SLC35F1: variants seen among roughly 807,000 people sequenced by gnomAD.
The protein encoded by SLC35F1 is solute carrier family 35 member F1, also known as chromosome 6 open reading frame 169.
Under a neutral mutation model 48.7 loss-of-function variants are expected in SLC35F1, and 14 were observed. That is an observed-to-expected ratio of 0.29 (90% CI 0.19 to 0.45). The LOEUF (loss-of-function observed/expected upper bound fraction) is 0.45, where lower values mean the gene tolerates loss of function less well. SLC35F1 is among the 20% of genes least tolerant of loss of function. The pLI, the probability that SLC35F1 is intolerant of heterozygous loss-of-function variation, is 1.00. For synonymous variants in SLC35F1, 190 were observed against 202.2 expected (o/e 0.94, Z 0.51); for missense variants, 404 against 500.0 (o/e 0.81, Z 1.83).
At chr6:118,144,742 A>G (rs906055677) in intron 1 of SLC35F1, among the ~76,000 whole-genome samples, 1 of 152,108 alleles carries the variant, frequency 6.6e-6, no homozygotes, top group African/African-American at 2.4e-5. Flanking sequence ...GGAAGAAAAC[A>G]ATATTTATTT....
chr6:118,290,537 A>G (rs1463507068), intron 7 of SLC35F1, among the ~76,000 whole-genome samples: 1 of 151,860 alleles, frequency 6.6e-6, no homozygotes, highest in Non-Finnish European at 1.5e-5. Context: ...CAAAATACTC[A>G]ATTAATTTAA....
chr6:118,224,861 A>T (rs924056566), intron 2 of SLC35F1, among the ~76,000 whole-genome samples: 1 of 152,112 alleles, frequency 6.6e-6, no homozygotes, highest in Non-Finnish European at 1.5e-5. Flanking sequence ...GTACAAGGCT[A>T]ATTTGACTTT....
At chr6:118,296,616 T>C (rs1374002726) in intron 7 of SLC35F1, among the ~76,000 whole-genome samples, 1 of 152,214 alleles carries the variant, frequency 6.6e-6, no homozygotes, top group African/African-American at 2.4e-5. Flanking sequence ...CCAAAGTTCC[T>C]TGTACAAAAA....
chr6:118,182,327 T>A (rs571783389), intron 2 of SLC35F1, among the ~76,000 whole-genome samples: 54 of 148,730 alleles, frequency 3.6e-4, no homozygotes, highest in African/African-American at 1.3e-3. Flanking sequence ...AAAGAAAAAT[T>A]TTTTTTTTTT....
At chr6:118,247,126 A>C (rs2114598637) in intron 3 of SLC35F1, among the ~76,000 whole-genome samples, 1 of 152,352 alleles carries the variant, frequency 6.6e-6, no homozygotes, top group South Asian at 2.1e-4. Context: ...ATTTTGCCTA[A>C]CCATCCCATC....
chr6:117,913,413 A>G (rs751675852), intron 1 of SLC35F1, among the ~76,000 whole-genome samples: 2 of 152,234 alleles, frequency 1.3e-5, no homozygotes, highest in Admixed American at 1.3e-4. Flanking sequence ...TAACTGGGAA[A>G]CTTGACATGT....
chr6:117,925,142 C>T (rs1776012108), intron 1 of SLC35F1, among the ~76,000 whole-genome samples: 1 of 152,150 alleles, frequency 6.6e-6, no homozygotes, highest in Non-Finnish European at 1.5e-5. Context: ...TTGGTTTTCT[C>T]ATCTAGTAAA....
At chr6:118,152,937 T>G (rs1308803264) in intron 1 of SLC35F1, among the ~76,000 whole-genome samples, 1 of 152,232 alleles carries the variant, frequency 6.6e-6, no homozygotes, top group Non-Finnish European at 1.5e-5. Flanking sequence ...AAGTATGTCT[T>G]TGGCTTCTTT....
At chr6:117,984,640 A>G (rs1377232272) in intron 1 of SLC35F1, among the ~76,000 whole-genome samples, 2 of 152,162 alleles carry the variant, frequency 1.3e-5, no homozygotes, top group Admixed American at 1.3e-4. Flanking sequence ...TTGCGCTACA[A>G]CAGCAGAGTT....
At chr6:118,174,691 A>G (rs934817428) in intron 2 of SLC35F1, among the ~76,000 whole-genome samples, 5 of 152,168 alleles carry the variant, frequency 3.3e-5, no homozygotes, top group Non-Finnish European at 5.9e-5. Flanking sequence ...AAACAGATCC[A>G]TGAAGCTCAG....
At chr6:118,110,060 A>G (rs1319169108) in intron 1 of SLC35F1, among the ~76,000 whole-genome samples, 1 of 152,180 alleles carries the variant, frequency 6.6e-6, no homozygotes, top group Non-Finnish European at 1.5e-5. Context: ...GAAAAGAGTC[A>G]GTGCTCTTAA....
intron 1 of SLC35F1, among the ~76,000 whole-genome samples, chr6:118,072,353 A>G (rs1005619237): frequency 7.2e-5 from 11 of 152,238 alleles, no homozygotes; most frequent in African/African-American, 2.4e-4. Flanking sequence ...TCATGAGGTC[A>G]GGAGATCGAG....
intron 1 of SLC35F1, among the ~76,000 whole-genome samples, chr6:118,073,215 C>T (rs1297156387): frequency 6.6e-6 from 1 of 152,032 alleles, no homozygotes; most frequent in Non-Finnish European, 1.5e-5. Context: ...GGATTTTATC[C>T]TCTATAGAAA....
intron 1 of SLC35F1, among the ~76,000 whole-genome samples, chr6:118,026,798 T>G (rs1292474487): frequency 6.6e-6 from 1 of 152,156 alleles, no homozygotes; most frequent in East Asian, 1.9e-4. Flanking sequence ...GAAGCCTTGG[T>G]TTTTTTAAAG....
intron 1 of SLC35F1, among the ~76,000 whole-genome samples, chr6:118,049,125 A>G (rs532770849): frequency 4.6e-5 from 7 of 152,334 alleles, no homozygotes; most frequent in African/African-American, 1.7e-4. Flanking sequence ...AGGATTCCCT[A>G]TTTAATAAAT....
At chr6:118,109,427 A>C (rs1436634245) in intron 1 of SLC35F1, among the ~76,000 whole-genome samples, 1 of 152,172 alleles carries the variant, frequency 6.6e-6, no homozygotes, top group African/African-American at 2.4e-5. Context: ...CCCATGCTGG[A>C]GATACAACCA....
intron 1 of SLC35F1, among the ~76,000 whole-genome samples, chr6:118,010,079 C>G (rs940032777): frequency 5.3e-5 from 8 of 152,154 alleles, no homozygotes; most frequent in African/African-American, 1.7e-4. Flanking sequence ...AGATACACTT[C>G]TATAGGTGGG....
intron 1 of SLC35F1, among the ~76,000 whole-genome samples, chr6:118,071,189 TATACACACATA>T (rs1278027697): frequency 0.014 from 1,971 of 145,948 alleles, 59 homozygotes; most frequent in African/African-American, 0.046. Context: ...TATGTGTGTA[TATACACACATA>T]GTATATATAT....
chr6:117,921,881 A>T (rs1212452662), intron 1 of SLC35F1, among the ~76,000 whole-genome samples: 2 of 152,220 alleles, frequency 1.3e-5, no homozygotes, highest in Non-Finnish European at 1.5e-5. Flanking sequence ...GATTATGAAA[A>T]AATGTAAATG....
Sources: gnomAD v4.1 joint callset for allele counts (sites outside exome capture counted in the v4.1 genomes callset) on GRCh38, gnomAD v4.1.1 for gene constraint, MANE v1.5 for transcripts, NCBI Gene and HGNC (gene_info 2026-07-23, HGNC 2026-07-21) for gene names.